The following CUX1 variants were observed in gnomAD, a reference collection of about 807,000 sequenced individuals.
The protein encoded by CUX1 is protein CASP.
In CUX1, 31 loss-of-function variants were observed where a neutral mutation model predicts 158.8. The ratio of observed to expected loss-of-function variants is 0.20; its 90% CI spans 0.15 to 0.26. The LOEUF is 0.26. Among genes scored for constraint, CUX1 ranks in the 10% least tolerant of loss-of-function variants. CUX1 has a pLI of 1.00. For missense variants in CUX1, 1,589 were observed against 2,014.6 expected, an observed-to-expected ratio of 0.79 and a Z score of 4.04; for synonymous variants, 879 against 862.1, an observed-to-expected ratio of 1.02 and a Z score of -0.34.
intron 2 of CUX1, among the ~76,000 whole-genome samples, chr7:101,963,510 G>C (rs142297045): frequency 6.6e-6 from 1 of 152,218 alleles, no homozygotes; most frequent in Non-Finnish European, 1.5e-5. Flanking sequence ...CTGCTGGTTA[G>C]TAGGGTGGGA....
chr7:101,911,154 T>C (rs939249704), intron 1 of CUX1, among the ~76,000 whole-genome samples: 4 of 152,300 alleles, frequency 2.6e-5, no homozygotes, highest in African/African-American at 9.6e-5. Flanking sequence ...GGCCTGCCCC[T>C]GCAGTGGACT....
At chr7:102,183,260 C>T (rs1248075087) in intron 11 of CUX1, among the ~76,000 whole-genome samples, 1 of 152,006 alleles carries the variant, frequency 6.6e-6, no homozygotes, top group Non-Finnish European at 1.5e-5. Context: ...GTCATCTGCC[C>T]GCCTCAGCCT....
chr7:102,107,233 CAAAAA>C (rs782065107), intron 6 of CUX1, among the ~76,000 whole-genome samples: 6 of 151,032 alleles, frequency 4.0e-5, no homozygotes, highest in South Asian at 2.1e-4. Context: ...GACCTTGTCT[CAAAAA>C]AGAAAAGAAA....
upstream of CUX1, chr7:101,816,904 G>A (rs1422987698): frequency 9.2e-6 from 9 of 980,666 alleles, no homozygotes; most frequent in Middle Eastern, 5.2e-4. Flanking sequence ...CACCCCGCGT[G>A]TGGCTCCCGG....
intron 20 of CUX1, among the ~76,000 whole-genome samples, chr7:102,221,177 A>C (rs1797758386): frequency 6.6e-6 from 1 of 152,250 alleles, no homozygotes; most frequent in Non-Finnish European, 1.5e-5. Context: ...GACAGAATGA[A>C]AAGTGGCGCA....
chr7:102,112,351 C>T (rs1176027128), intron 7 of CUX1, among the ~76,000 whole-genome samples: 3 of 150,138 alleles, frequency 2.0e-5, no homozygotes, highest in Admixed American at 6.7e-5. Flanking sequence ...ATGCCATTCT[C>T]CTGCCTCAGC....
At chr7:101,911,164 T>TGCCTGG (rs895132287) in intron 1 of CUX1, among the ~76,000 whole-genome samples, 6 of 152,406 alleles carry the variant, frequency 3.9e-5, no homozygotes, top group East Asian at 1.9e-4. Flanking sequence ...TGCAGTGGAC[T>TGCCTGG]GCCTGGGCCT....
At chr7:101,990,362 TTTTGTTTGTTTG>T (rs139077977) in intron 2 of CUX1, among the ~76,000 whole-genome samples, 6,892 of 150,560 alleles carry the variant, frequency 0.046, 528 homozygotes, top group African/African-American at 0.16. Flanking sequence ...ACCCCATCTC[TTTTGTTTGTTTG>T]TTTGTTTGTT....
intron 23 of CUX1, among the ~76,000 whole-genome samples, chr7:102,247,359 T>C (rs1554537276): frequency 2.0e-5 from 3 of 152,242 alleles, no homozygotes; most frequent in Non-Finnish European, 2.9e-5. Flanking sequence ...TCTCCTGAAG[T>C]CCTGATGGAT....
rs561607305 is a variant in CUX1, at chr7:102,253,674, G to C, written c.*4632G>C. Reference sequence around the variant, plus strand: ...AGAGATTTTGAACTGAGGGGCGACAGCCTTTGCCTTAAATGCAGTATGACA... The same window carrying C: ...AGAGATTTTGAACTGAGGGGCGACACCCTTTGCCTTAAATGCAGTATGACA... On this transcript the variant is annotated 3_prime_UTR_variant, in exon 24 of 24. Coordinates refer to ENST00000292535, the MANE Select transcript of CUX1 (RefSeq NM_181552.4). 1.0e-6 allele frequency: 1 copy of C among 985,342 alleles called. No homozygotes were observed. The highest frequency in any genetic ancestry group is 6.1e-5 in the Admixed American group (1 of 16,274). The allele number at this position is 985,342 out of a possible 1,614,324, so 61.0% of individuals were successfully genotyped here. A position where few individuals can be genotyped will look rare whatever the true frequency, so the allele number is the denominator to read the frequency against.
intron 1 of CUX1, among the ~76,000 whole-genome samples, chr7:101,840,140 T>A (rs2131144665): frequency 6.6e-6 from 1 of 152,374 alleles, no homozygotes; most frequent in South Asian, 2.1e-4. Flanking sequence ...TTTTTGTTGA[T>A]TTCGAAGCTG....
intron 22 of CUX1, 52 bp downstream of exon 22, chr7:102,234,292 C>G: frequency 1.4e-6 from 2 of 1,413,042 alleles, no homozygotes; most frequent in Non-Finnish European, 9.3e-7. Flanking sequence ...CATAGACAGG[C>G]TGTTTCTTTC....
In CUX1 at chr7:102,250,844, G is replaced by A. The variant is rs1202404818; in HGVS notation, c.*1802G>A. Reference sequence around the variant, plus strand: ...TATTTTCTTAAGTACCTGTGCACACGTAGAGTGCATTACTGCCACCTTTTT... The same window carrying A: ...TATTTTCTTAAGTACCTGTGCACACATAGAGTGCATTACTGCCACCTTTTT... On this transcript the variant is annotated 3_prime_UTR_variant, in exon 24 of 24. Transcript: ENST00000292535. 3 of 985,272 alleles carry A rather than the reference G, an allele frequency of 3.0e-6. No individual in the cohort carries two copies. Among genetic ancestry groups the A allele is most frequent in the Non-Finnish European group, 2.4e-6 (2 of 829,932 alleles). The allele number at this position is 985,272 out of a possible 1,614,324, so 61.0% of individuals were successfully genotyped here.
chr7:102,194,196 A>G, intron 13 of CUX1: 2 of 376,526 alleles, frequency 5.3e-6, no homozygotes, highest in Non-Finnish European at 9.7e-6. Flanking sequence ...ATCTTTAACA[A>G]AAAGAGGCAA....
At chr7:102,072,291 T>C (rs1222056001) in intron 4 of CUX1, among the ~76,000 whole-genome samples, 1 of 152,178 alleles carries the variant, frequency 6.6e-6, no homozygotes, top group Non-Finnish European at 1.5e-5. Flanking sequence ...CCCATGTAAA[T>C]GAAGTGGTGG....
At chr7:102,108,114 G>C (rs1055568393) in intron 6 of CUX1, among the ~76,000 whole-genome samples, 1 of 152,174 alleles carries the variant, frequency 6.6e-6, no homozygotes. Context: ...AAATGGGTTA[G>C]TAAAAAGAAC....
At chr7:102,065,997 A>G (rs561314520) in intron 3 of CUX1, among the ~76,000 whole-genome samples, 35 of 151,852 alleles carry the variant, frequency 2.3e-4, no homozygotes, top group African/African-American at 7.5e-4. Flanking sequence ...CACCATGTTG[A>G]CCAGGCTGGT....
Position 102,198,874 on chromosome 7 carries a change from T to A in CUX1, c.1960+7T>A. 6.2e-7 allele frequency: 1 copy of A among 1,613,958 alleles called. No homozygotes were observed. Among genetic ancestry groups the A allele is most frequent in the African/African-American group, 1.3e-5 (1 of 75,052 alleles). ...CGAAGAAATGGGTCTGAAGGTATGT[T>A]GCAGGCAGGCGTTTTCTTTGCAGTC... On this transcript the variant is annotated splice_region_variant and intron_variant, in intron 16 of 23. Coordinates refer to ENST00000292535, the MANE Select transcript of CUX1 (RefSeq NM_181552.4).
intron 1 of CUX1, among the ~76,000 whole-genome samples, chr7:101,884,099 T>C (rs1799986802): frequency 6.6e-6 from 1 of 151,924 alleles, no homozygotes; most frequent in Admixed American, 6.6e-5. Flanking sequence ...CTCGCTGACT[T>C]GCCCAGGCTG....
Sources: gnomAD v4.1 joint callset for allele counts (sites outside exome capture counted in the v4.1 genomes callset) on GRCh38, gnomAD v4.1.1 for gene constraint, MANE v1.5 for transcripts, NCBI Gene and HGNC (gene_info 2026-07-23, HGNC 2026-07-21) for gene names.